Variants in KIF21A observed in about 807,000 individuals in gnomAD.
The protein encoded by KIF21A is kinesin-like protein KIF21A.
A neutral mutation model predicts 202.9 loss-of-function variants in KIF21A; 114 were observed. The ratio of observed to expected loss-of-function variants is 0.56; its 90% confidence interval spans 0.48 to 0.66. The LOEUF is 0.66. Among genes scored for constraint, KIF21A ranks in the 30% least tolerant of loss-of-function variants. KIF21A has a pLI of 0.00. For synonymous variants in KIF21A, 667 were observed against 670.8 expected (o/e 0.99, Z 0.09); for missense variants, 1,677 against 1,994.9 (o/e 0.84, Z 3.04).
At chr12:39,318,645 C>T (rs1190391745) in intron 28 of KIF21A, among the ~76,000 whole-genome samples, 2 of 152,134 alleles carry the variant, frequency 1.3e-5, no homozygotes, top group African/African-American at 4.8e-5. Flanking sequence ...TCAGTAGACA[C>T]AGGCAAACTA....
intron 10 of KIF21A, 102 bp downstream of exon 10, chr12:39,356,729 CA>C (rs1948801499): frequency 3.1e-6 from 2 of 645,658 alleles, no homozygotes; most frequent in South Asian, 3.4e-5. Context: ...GAAATATCAC[CA>C]TGGACAACTG....
At chr12:39,302,872 T>C in intron 36 of KIF21A, 93 bp downstream of exon 36, 1 of 1,098,836 alleles carries the variant, frequency 9.1e-7, no homozygotes, top group Middle Eastern at 2.9e-4. Flanking sequence ...CTGTAAATGA[T>C]AAAAATCTAC....
chr12:39,333,604 AT>A (rs1323387081), intron 17 of KIF21A, among the ~76,000 whole-genome samples: 3 of 152,184 alleles, frequency 2.0e-5, no homozygotes, highest in African/African-American at 7.2e-5. Context: ...TTTGTTAGAT[AT>A]TTTGTTTTAG....
intron 1 of KIF21A, among the ~76,000 whole-genome samples, chr12:39,385,151 GGTCT>G (rs1370613001): frequency 8.5e-5 from 13 of 152,140 alleles, no homozygotes; most frequent in African/African-American, 2.9e-4. Flanking sequence ...GTCACCTTGG[GGTCT>G]GTCTGCCATA....
chr12:39,329,234 A>ATT (rs1565791414), intron 24 of KIF21A, among the ~76,000 whole-genome samples: 1 of 152,202 alleles, frequency 6.6e-6, no homozygotes, highest in Non-Finnish European at 1.5e-5. Flanking sequence ...CATAGGATAC[A>ATT]TTAGCTGAAT....
chr12:39,389,829 T>C (rs79837646), intron 1 of KIF21A, among the ~76,000 whole-genome samples: 8,004 of 152,270 alleles, frequency 0.053, 242 homozygotes, highest in Middle Eastern at 0.082. Context: ...AATAATTTAA[T>C]TCAGGTTCCA....
At chr12:39,385,908 T>G (rs1241114123) in intron 1 of KIF21A, among the ~76,000 whole-genome samples, 2 of 152,184 alleles carry the variant, frequency 1.3e-5, no homozygotes, top group Non-Finnish European at 2.9e-5. Flanking sequence ...CATATATACA[T>G]ATATGTGCAG....
intron 1 of KIF21A, among the ~76,000 whole-genome samples, chr12:39,437,598 A>G (rs1304760500): frequency 6.6e-6 from 1 of 152,204 alleles, no homozygotes; most frequent in Non-Finnish European, 1.5e-5. Flanking sequence ...TGAGAAAAAT[A>G]AGAGAGAAAC....
At chr12:39,376,004 AG>A (rs1373959143) in intron 1 of KIF21A, among the ~76,000 whole-genome samples, 1 of 152,098 alleles carries the variant, frequency 6.6e-6, no homozygotes, top group Non-Finnish European at 1.5e-5. Flanking sequence ...TTCCCTCATG[AG>A]GCACCCTAAC....
At chr12:39,342,003 A>G (rs1947483923) in intron 13 of KIF21A, 31 bp downstream of exon 13, 2 of 1,505,624 alleles carry the variant, frequency 1.3e-6, no homozygotes, top group African/African-American at 2.7e-5. Flanking sequence ...CCTGGTGACT[A>G]AAACTGACAA....
chr12:39,313,030 T>C (rs1405959457), intron 31 of KIF21A, among the ~76,000 whole-genome samples: 1 of 151,922 alleles, frequency 6.6e-6, no homozygotes, highest in East Asian at 1.9e-4. Context: ...GAGAATAATC[T>C]TCGAGATGCA....
chr12:39,427,898 A>C (rs895023954), intron 1 of KIF21A, among the ~76,000 whole-genome samples: 1 of 152,186 alleles, frequency 6.6e-6, no homozygotes, highest in Non-Finnish European at 1.5e-5. Flanking sequence ...ACCTCAGATG[A>C]TCCAGCTGCC....
chr12:39,416,968 G>T (rs1231614479), intron 1 of KIF21A, among the ~76,000 whole-genome samples: 1 of 151,154 alleles, frequency 6.6e-6, no homozygotes, highest in African/African-American at 2.4e-5. Context: ...TCTCTAATCT[G>T]CAAGGAGCCA....
chr12:39,389,475 A>G (rs891299078), intron 1 of KIF21A, among the ~76,000 whole-genome samples: 6 of 152,214 alleles, frequency 3.9e-5, no homozygotes, highest in Admixed American at 3.3e-4. Flanking sequence ...AGATGCCCTA[A>G]CTGGCAATTA....
At chr12:39,392,486 C>T (rs1196432622) in intron 1 of KIF21A, among the ~76,000 whole-genome samples, 1 of 152,072 alleles carries the variant, frequency 6.6e-6, no homozygotes, top group Non-Finnish European at 1.5e-5. Flanking sequence ...GGAGCTTTCA[C>T]AAGAACATTT....
intron 37 of KIF21A, among the ~76,000 whole-genome samples, chr12:39,298,964 C>T (rs964751464): frequency 3.3e-5 from 5 of 152,106 alleles, no homozygotes; most frequent in African/African-American, 7.2e-5. Context: ...TAGAACAATG[C>T]CTCGCACATA....
At chr12:39,369,662 T>C (rs1241027092) in intron 3 of KIF21A, 67 bp downstream of exon 3, 5 of 1,235,038 alleles carry the variant, frequency 4.0e-6, no homozygotes, top group Admixed American at 1.8e-5. Flanking sequence ...GCCAACAGTA[T>C]AAAATCATAA....
chr12:39,431,344 T>C (rs973166230), intron 1 of KIF21A, among the ~76,000 whole-genome samples: 1 of 152,186 alleles, frequency 6.6e-6, no homozygotes, highest in East Asian at 1.9e-4. Flanking sequence ...AATTTCACTT[T>C]GTCAAGTGGG....
intron 26 of KIF21A, among the ~76,000 whole-genome samples, chr12:39,323,619 A>G (rs966742734): frequency 6.6e-6 from 1 of 152,138 alleles, no homozygotes; most frequent in Non-Finnish European, 1.5e-5. Flanking sequence ...CCAAGTGACT[A>G]TCCGGTTATT....
Sources: allele counts gnomAD v4.1 joint callset (sites outside exome capture counted in the v4.1 genomes callset), GRCh38; gene constraint gnomAD v4.1.1; transcripts MANE v1.5; gene names NCBI Gene and HGNC (gene_info 2026-07-23, HGNC 2026-07-21).